The following ARL1 variants were observed in gnomAD, a reference collection of about 807,000 sequenced individuals.
The protein encoded by ARL1 is ARF like GTPase 1.
A neutral mutation model predicts 30.1 loss-of-function variants in ARL1; 17 were observed. The observed-to-expected ratio is 0.56, with a 90% CI of 0.39 to 0.85. The LOEUF (loss-of-function observed/expected upper bound fraction) is 0.85. Among genes scored for constraint, ARL1 ranks in the 40% least tolerant of loss-of-function variants. ARL1 has a pLI of 0.00. For missense variants in ARL1, 102 were observed against 212.6 expected, an observed-to-expected ratio of 0.48 and a Z score of 3.24; for synonymous variants, 58 against 71.7, an observed-to-expected ratio of 0.81 and a Z score of 0.97.
At chr12:101,399,904 C>T (rs1871256824) in intron 4 of ARL1, among the ~76,000 whole-genome samples, 1 of 152,054 alleles carries the variant, frequency 6.6e-6, no homozygotes, top group African/African-American at 2.4e-5. Flanking sequence ...GGGAGAGATA[C>T]ATAAGTAAAC....
chr12:101,403,167 G>A, intron 2 of ARL1: 1 of 482,500 alleles, frequency 2.1e-6, no homozygotes, highest in Non-Finnish European at 3.8e-6. Flanking sequence ...AGTATGCTCT[G>A]CTCCCCCACA....
chr12:101,395,895 T>G (rs893037197), intron 5 of ARL1, among the ~76,000 whole-genome samples: 1 of 152,244 alleles, frequency 6.6e-6, no homozygotes, highest in Admixed American at 6.5e-5. Flanking sequence ...TTTTCCAGGC[T>G]ACTACTACTT....
At chr12:101,404,438 A>G (rs1327199741) in intron 2 of ARL1, among the ~76,000 whole-genome samples, 1 of 152,202 alleles carries the variant, frequency 6.6e-6, no homozygotes, top group Non-Finnish European at 1.5e-5. Flanking sequence ...CAAACTATCC[A>G]CTGTGCTGCT....
chr12:101,399,117 TAA>T (rs563286763), intron 4 of ARL1, among the ~76,000 whole-genome samples: 1 of 145,222 alleles, frequency 6.9e-6, no homozygotes. Flanking sequence ...TGCTATGATG[TAA>T]AAAAAAAAAA....
At chr12:101,402,483 G>A (rs1223997040) in intron 3 of ARL1, among the ~76,000 whole-genome samples, 3 of 152,120 alleles carry the variant, frequency 2.0e-5, no homozygotes, top group Non-Finnish European at 4.4e-5. Flanking sequence ...TACCATGCCC[G>A]GCCAATGGCA....
At chr12:101,400,873 G>A (rs1208695388) in intron 4 of ARL1, among the ~76,000 whole-genome samples, 189 bp downstream of exon 4, 1 of 152,146 alleles carries the variant, frequency 6.6e-6, no homozygotes, top group Non-Finnish European at 1.5e-5. Context: ...GAAGTTACGA[G>A]GTTAATTTTT....
Position 101,407,767 on chromosome 12 carries a change from G to T in ARL1, c.-122C>A, listed in dbSNP as rs1337464130. The T allele has an allele frequency of 6.8e-7, 1 of 1,464,678 alleles. No homozygotes were observed. The highest frequency in any genetic ancestry group is 9.5e-7 in the Non-Finnish European group (1 of 1,055,848). 90.7% of individuals were successfully genotyped at this position (1,464,678 alleles called of 1,614,324 possible). ...ACTTCCACGTCGGACTCCAGGCGGG[G>T]GCGGGAGCGAGGGTCAGCTGCGACT... On this transcript the variant is annotated 5_prime_UTR_variant, in exon 1 of 6. Coordinates refer to ENST00000261636, the MANE Select transcript of ARL1 (RefSeq NM_001177.6).
chr12:101,406,372 G>C (rs1871440672), intron 1 of ARL1, among the ~76,000 whole-genome samples: 1 of 152,158 alleles, frequency 6.6e-6, no homozygotes, highest in Non-Finnish European at 1.5e-5. Flanking sequence ...CACAGGAAAA[G>C]TACTGTACAG....
At chr12:101,403,422 T>C (rs1020131714) in intron 2 of ARL1, 3 of 221,602 alleles carry the variant, frequency 1.4e-5, no homozygotes, top group South Asian at 1.1e-4. Flanking sequence ...GAAAGTACAG[T>C]TGTGGATGTA....
At position 101,402,620 on chromosome 12, in the gene ARL1, G is replaced by A. The variant is rs542790999; in HGVS notation, c.224+245C>T. On this transcript the variant is annotated intron_variant, in intron 3 of 5. Coordinates refer to ENST00000261636, the MANE Select transcript of ARL1 (RefSeq NM_001177.6). ...GGGTCCTTTCTAATTGAGAATAGCT[G>A]AAGTAATAAGGTCTTGAGATTTTCG... Among the ~76,000 whole-genome samples the A allele has an allele frequency of 9.8e-5, 15 of 152,338 alleles. No individual in the cohort carries two copies. In the East Asian group the frequency reaches 1.2e-3, roughly 12 times the overall value.
intron 4 of ARL1, among the ~76,000 whole-genome samples, chr12:101,399,538 A>G (rs1037861685): frequency 7.1e-6 from 1 of 140,388 alleles, no homozygotes; most frequent in East Asian, 2.0e-4. Flanking sequence ...AAAAAAAAAA[A>G]AGAATTCAAA....
chr12:101,405,703 G>T, intron 2 of ARL1, 141 bp downstream of exon 2: 2 of 871,284 alleles, frequency 2.3e-6, no homozygotes, highest in Non-Finnish European at 3.1e-6. Context: ...ATCACTTGAG[G>T]CCAAGAGTCT....
chr12:101,401,107 T>A lies in ARL1; in HGVS notation c.291A>T (p.Arg97=), dbSNP rs771022799. 6 of 1,613,874 alleles carry A rather than the reference T, an allele frequency of 3.7e-6. No homozygotes were observed. The highest frequency in any genetic ancestry group is 3.3e-5 in the Admixed American group (2 of 59,988). ...AVIYVVDSCD[R]DRIGISKSEL... Reference sequence around the variant, plus strand: ...CTGATTTGGAAATGCCAATTCGGTCTCGGTCACAACTGTCTACTACATAAA... The same window carrying A: ...CTGATTTGGAAATGCCAATTCGGTCACGGTCACAACTGTCTACTACATAAA... Residue 97 remains arginine, a synonymous_variant, in exon 4 of 6, where the codon CGA becomes CGT. Transcript: ENST00000261636.
Position 101,395,647 on chromosome 12 carries a change from C to G in ARL1, c.539G>C (p.Arg180Thr). The G allele has an allele frequency of 1.3e-6, 2 of 1,577,946 alleles. No individual in the cohort carries two copies. The highest frequency in any genetic ancestry group is 1.7e-6 in the Non-Finnish European group (2 of 1,158,826). Reference protein sequence around the residue: ...MEWLVETLKSRQ With the variant: ...MEWLVETLKSTQ Reference sequence around the variant, plus strand: ...GGAGAAGAATGGACTGAATTACTGTCTGCTTTTTAATGTTTCAACTAACCT... The same window carrying G: ...GGAGAAGAATGGACTGAATTACTGTGTGCTTTTTAATGTTTCAACTAACCT... The change falls in exon 6 of 6, where the codon AGA becomes ACA. Residue 180 changes from arginine to threonine, a missense_variant. Coordinates refer to ENST00000261636, the MANE Select transcript of ARL1 (RefSeq NM_001177.6).
chr12:101,406,076 A>T, intron 1 of ARL1, 95 bp from the exon 2 acceptor site: 1 of 983,196 alleles, frequency 1.0e-6, no homozygotes. Flanking sequence ...TAAATACCAA[A>T]TTAAATATTA....
In ARL1 at chr12:101,395,526, G is replaced by T. The variant is rs927227540; in HGVS notation, c.*114C>A. On this transcript the variant is annotated 3_prime_UTR_variant, in exon 6 of 6. Coordinates refer to ENST00000261636, the MANE Select transcript of ARL1 (RefSeq NM_001177.6). ...TTACTACAAATATTGCAGTCAGTCA[G>T]TATATGCCAATAATCATATAGTTTT... 67 of 818,608 alleles carry T rather than the reference G, an allele frequency of 8.2e-5. No homozygotes were observed. The Middle Eastern group carries it at 2.3e-3, about 28-fold the overall frequency. 50.7% of individuals were successfully genotyped at this position (818,608 alleles called of 1,614,324 possible). A position where few individuals can be genotyped will look rare whatever the true frequency, so the allele number is the denominator to read the frequency against.
At position 101,401,109 on chromosome 12, in the gene ARL1, G is replaced by A. The variant is rs774354950; in HGVS notation, c.289C>T (p.Arg97Ter). 2 of 1,613,684 alleles carry A rather than the reference G, an allele frequency of 1.2e-6. No homozygotes were observed. Among genetic ancestry groups the A allele is most frequent in the Non-Finnish European group, 8.5e-7 (1 of 1,179,768 alleles). Reference protein sequence around the residue: ...AVIYVVDSCDRDRIGISKSEL... With the variant: ...AVIYVVDSCD Reference sequence around the variant, plus strand: ...GATTTGGAAATGCCAATTCGGTCTCGGTCACAACTGTCTACTACATAAATG... The same window carrying A: ...GATTTGGAAATGCCAATTCGGTCTCAGTCACAACTGTCTACTACATAAATG... The change falls in exon 4 of 6, where the codon CGA becomes TGA. Residue 97 changes from arginine to a stop codon, truncating the protein, a stop_gained. Coordinates refer to ENST00000261636, the MANE Select transcript of ARL1 (RefSeq NM_001177.6). LOFTEE classifies it high-confidence loss of function.
intron 1 of ARL1, 119 bp downstream of exon 1, chr12:101,407,523 C>T (rs936297218): frequency 2.9e-6 from 4 of 1,376,190 alleles, no homozygotes; most frequent in African/African-American, 2.9e-5. Context: ...CTCCGCGACC[C>T]GCCCCCTGAG....
intron 2 of ARL1, among the ~76,000 whole-genome samples, chr12:101,404,943 C>G (rs1420623105): frequency 1.3e-5 from 2 of 152,128 alleles, no homozygotes; most frequent in African/African-American, 4.8e-5. Context: ...GCAATCTTGG[C>G]CTGCCACAAC....
Sources: allele counts gnomAD v4.1 joint callset (sites outside exome capture counted in the v4.1 genomes callset), GRCh38; gene constraint gnomAD v4.1.1; transcripts MANE v1.5; gene names NCBI Gene and HGNC (gene_info 2026-07-23, HGNC 2026-07-21).